Variants in RANBP2 observed in about 807,000 individuals in gnomAD.
RANBP2 encodes E3 SUMO-protein ligase RanBP2.
In RANBP2, 57 loss-of-function variants were observed where a neutral mutation model predicts 303.6. That is an observed-to-expected ratio of 0.19 (90% CI 0.15 to 0.23). The LOEUF is 0.23. Ranked by LOEUF, RANBP2 falls within the 10% of genes least tolerant of loss-of-function variation. The pLI, the probability that RANBP2 is intolerant of heterozygous loss-of-function variation, is 1.00. For synonymous variants in RANBP2, 1,167 were observed against 1,301.5 expected, an observed-to-expected ratio of 0.90 and a Z score of 2.23; for missense variants, 3,138 against 3,780.8, an observed-to-expected ratio of 0.83 and a Z score of 4.46.
chr2:109,251,697 T>G, the RANBP2 span: 20 of 930,892 alleles, frequency 2.1e-5, no homozygotes, highest in Non-Finnish European at 2.2e-5. Flanking sequence ...TCATAGGTTC[T>G]ATTTTACTAT....
chr2:108,791,827 C>A, the RANBP2 span: 16 of 1,551,336 alleles, frequency 1.0e-5, no homozygotes, highest in African/African-American at 2.2e-4. Flanking sequence ...TTAGAACAAT[C>A]AATTCAGTAG....
intron 1 of RANBP2, among the ~76,000 whole-genome samples, chr2:108,726,209 GTCA>G (rs1301114416): frequency 6.6e-6 from 1 of 152,168 alleles, no homozygotes; most frequent in African/African-American, 2.4e-5. Context: ...TAGGACACAA[GTCA>G]TCCCTTTGTC....
At chr2:109,733,331 T>G in the RANBP2 span, among the ~76,000 whole-genome samples, 1 of 152,074 alleles carries the variant, frequency 6.6e-6, no homozygotes, top group African/African-American at 2.4e-5. Flanking sequence ...AAAAATCACA[T>G]TATCATCTCA....
At chr2:109,503,243 T>A in the RANBP2 span, 1 of 152,232 alleles carries the variant, frequency 6.6e-6, no homozygotes, top group Non-Finnish European at 1.5e-5. Context: ...CAGACTTAAA[T>A]TAAGCTGAAG....
the RANBP2 span, chr2:108,804,970 G>C: frequency 4.5e-6 from 7 of 1,569,450 alleles, no homozygotes; most frequent in Non-Finnish European, 6.0e-6. Context: ...GTCCTCTTTT[G>C]ATGCATTGAA....
the RANBP2 span, among the ~76,000 whole-genome samples, chr2:109,259,698 G>T: frequency 6.6e-6 from 1 of 152,248 alleles, no homozygotes; most frequent in Admixed American, 6.5e-5. Context: ...TACGGAAGAA[G>T]AATTTGTTTT....
the RANBP2 span, among the ~76,000 whole-genome samples, chr2:109,292,352 G>T: frequency 6.6e-6 from 1 of 152,152 alleles, no homozygotes; most frequent in East Asian, 1.9e-4. Context: ...TTTCAAACAT[G>T]GCTGGGATCA....
chr2:108,955,412 T>C, the RANBP2 span, among the ~76,000 whole-genome samples: 1 of 152,224 alleles, frequency 6.6e-6, no homozygotes, highest in Non-Finnish European at 1.5e-5. Context: ...GGTTTTGGCA[T>C]TTTCTTTCAG....
At chr2:109,638,105 G>A in the RANBP2 span, among the ~76,000 whole-genome samples, 6 of 152,226 alleles carry the variant, frequency 3.9e-5, no homozygotes, top group Non-Finnish European at 8.8e-5. Context: ...GACTGTACAT[G>A]ACTGTACTTT....
At chr2:109,568,994 A>G in the RANBP2 span, among the ~76,000 whole-genome samples, 6 of 152,240 alleles carry the variant, frequency 3.9e-5, no homozygotes, top group Admixed American at 1.3e-4. Flanking sequence ...TATAAGATTA[A>G]TATCCCCACA....
chr2:109,256,435 C>T, the RANBP2 span, among the ~76,000 whole-genome samples: 7 of 152,194 alleles, frequency 4.6e-5, 1 homozygote, highest in East Asian at 1.4e-3. Flanking sequence ...TCAGACTTAC[C>T]ATTGACTGAA....
chr2:109,394,614 T>G, the RANBP2 span, among the ~76,000 whole-genome samples: 1 of 152,232 alleles, frequency 6.6e-6, no homozygotes. Context: ...CTCTTTCCAT[T>G]AAAAAACATG....
the RANBP2 span, among the ~76,000 whole-genome samples, chr2:108,879,425 T>C: frequency 1.3e-5 from 2 of 152,222 alleles, no homozygotes; most frequent in Non-Finnish European, 2.9e-5. Context: ...ATTCATTTTA[T>C]GCAGTTAGCA....
the RANBP2 span, chr2:109,129,283 C>T: frequency 7.6e-6 from 5 of 660,634 alleles, no homozygotes; most frequent in Admixed American, 2.6e-5. Flanking sequence ...ACAGGTGTAG[C>T]CCGCAGCCGC....
At chr2:109,347,938 A>T in the RANBP2 span, 1 of 1,603,320 alleles carries the variant, frequency 6.2e-7, no homozygotes, top group East Asian at 2.3e-5. Context: ...GGACTGTCTG[A>T]CCTTCACCAA....
chr2:109,338,196 A>C, the RANBP2 span, among the ~76,000 whole-genome samples: 2 of 152,180 alleles, frequency 1.3e-5, no homozygotes, highest in Admixed American at 6.5e-5. Context: ...CACTGTTAGG[A>C]GTAACTCATC....
the RANBP2 span, among the ~76,000 whole-genome samples, chr2:109,057,522 T>A: frequency 6.6e-6 from 1 of 152,228 alleles, no homozygotes; most frequent in African/African-American, 2.4e-5. Flanking sequence ...ATCTTCAGAT[T>A]TCTATAGTGT....
At chr2:108,929,415 T>C in the RANBP2 span, 3 of 1,608,632 alleles carry the variant, frequency 1.9e-6, no homozygotes, top group Non-Finnish European at 2.6e-6. Flanking sequence ...CACAGGTGAG[T>C]GCAGCAGCCA....
At chr2:109,707,551 G>T in the RANBP2 span, among the ~76,000 whole-genome samples, 22 of 152,160 alleles carry the variant, frequency 1.4e-4, no homozygotes, top group African/African-American at 5.3e-4. Flanking sequence ...GTACCTTGCT[G>T]CAGCTTCTAA....
Sources: gnomAD v4.1 joint callset for allele counts (sites outside exome capture counted in the v4.1 genomes callset) on GRCh38, gnomAD v4.1.1 for gene constraint, MANE v1.5 for transcripts, NCBI Gene and HGNC (gene_info 2026-07-23, HGNC 2026-07-21) for gene names.